KCNQ5: variants seen among roughly 807,000 people sequenced by gnomAD.
KCNQ5 encodes the protein potassium voltage-gated channel subfamily Q member 5, also known as potassium voltage-gated channel subfamily KQT member 5.
KCNQ5 carries 30 observed loss-of-function variants against 98.2 expected under a neutral mutation model. That is an observed-to-expected ratio of 0.31 (90% confidence interval 0.23 to 0.41). The LOEUF is 0.41. KCNQ5 is among the 10% of genes least tolerant of loss of function. KCNQ5 has a pLI of 1.00. For missense variants in KCNQ5, 835 were observed against 1,182.5 expected (o/e 0.71, Z 4.31); for synonymous variants, 458 against 449.4 (o/e 1.02, Z -0.24).
At chr6:72,739,698 G>T (rs768143720) in intron 1 of KCNQ5, among the ~76,000 whole-genome samples, 1 of 152,184 alleles carries the variant, frequency 6.6e-6, no homozygotes, top group Non-Finnish European at 1.5e-5. Flanking sequence ...CCTACAGACG[G>T]TCTGTTCAGT....
intron 1 of KCNQ5, among the ~76,000 whole-genome samples, chr6:72,837,078 A>G (rs114153502): frequency 1.4e-3 from 208 of 152,316 alleles, no homozygotes; most frequent in African/African-American, 4.7e-3. Context: ...TTCACCTTTT[A>G]TATAAACCTT....
chr6:72,913,386 A>G (rs1009805848), intron 1 of KCNQ5, among the ~76,000 whole-genome samples: 5 of 151,814 alleles, frequency 3.3e-5, no homozygotes, highest in African/African-American at 1.2e-4. Flanking sequence ...CAACGTAACT[A>G]CTCCCTAGAG....
chr6:73,002,844 A>T (rs1769646173), intron 1 of KCNQ5, among the ~76,000 whole-genome samples: 1 of 152,222 alleles, frequency 6.6e-6, no homozygotes, highest in Non-Finnish European at 1.5e-5. Flanking sequence ...AATTAGGCAA[A>T]CTCTGGCTAT....
At position 72,732,496 on chromosome 6, in the gene KCNQ5, AAG is replaced by A. The variant is rs564382985; in HGVS notation, c.398+109914_398+109915del. On this transcript the variant is annotated intron_variant, in intron 1 of 13. Coordinates refer to ENST00000370398, the MANE Select transcript of KCNQ5 (RefSeq NM_019842.4). ...AGAGTGTGTGAAGTCTAGCAAGTGA[AAG>A]AGAGTGCGGTTTATTCAAGGGCTTT... is the stretch of plus-strand genomic sequence containing the variant. Among the ~76,000 whole-genome samples, 228 of 152,302 alleles carry A rather than the reference AAG, an allele frequency of 1.5e-3. 3 individuals are homozygous for A. Among genetic ancestry groups the A allele is most frequent in the Middle Eastern group, 0.01 (3 of 294 alleles).
chr6:73,118,065 T>C (rs547113889), intron 7 of KCNQ5, among the ~76,000 whole-genome samples: 4 of 152,202 alleles, frequency 2.6e-5, no homozygotes, highest in African/African-American at 9.7e-5. Flanking sequence ...TGTCACTTTC[T>C]GAAATTTCAT....
In KCNQ5 at chr6:73,194,753, C is replaced by T; in HGVS notation, c.2138C>T (p.Ala713Val). Residue 713 changes from alanine (A) to valine (V), a missense_variant, in exon 14 of 14, where the codon GCA becomes GTA. Transcript: ENST00000370398. ...YALSPTMHSQ[A>V]TQVPISQSDG... ...CTTAGCCCTACTATGCACAGTCAAG[C>T]AACACAGGTGCCAATTAGTCAAAGC... The T allele has an allele frequency of 6.2e-7, 1 of 1,614,266 alleles. No individual in the cohort carries two copies. Among genetic ancestry groups the T allele is most frequent in the Non-Finnish European group, 8.5e-7 (1 of 1,180,042 alleles).
Position 72,803,600 on chromosome 6 carries a change from G to A in KCNQ5, c.398+181013G>A, listed in dbSNP as rs554533847. On this transcript the variant is annotated intron_variant, in intron 1 of 13. Coordinates refer to ENST00000370398, the MANE Select transcript of KCNQ5 (RefSeq NM_019842.4). Reference sequence around the variant, plus strand: ...CTTCTCAGAACTCTGGAGGTTTGGCGACATTGTATAAGTACTTTAATTGTT... The same window carrying A: ...CTTCTCAGAACTCTGGAGGTTTGGCAACATTGTATAAGTACTTTAATTGTT... 7.2e-5 allele frequency among the ~76,000 whole-genome samples: 11 copies of A among 152,042 alleles called. No individual in the cohort carries two copies. In the South Asian group the frequency reaches 1.0e-3, roughly 14 times the overall value.
chr6:73,029,737 T>C (rs1300076094), intron 2 of KCNQ5, among the ~76,000 whole-genome samples: 3 of 151,294 alleles, frequency 2.0e-5, no homozygotes, highest in Non-Finnish European at 4.4e-5. Context: ...ATCGAGACCA[T>C]CCTGCCTAAC....
At chr6:73,139,294 C>T (rs973765177) in intron 10 of KCNQ5, among the ~76,000 whole-genome samples, 1 of 152,202 alleles carries the variant, frequency 6.6e-6, no homozygotes, top group African/African-American at 2.4e-5. Context: ...CCATCATTGG[C>T]TGTCACCAGT....
At chr6:73,111,927 T>C (rs1400726039) in intron 7 of KCNQ5, among the ~76,000 whole-genome samples, 1 of 152,232 alleles carries the variant, frequency 6.6e-6, no homozygotes, top group Non-Finnish European at 1.5e-5. Context: ...CTGATGGGAC[T>C]ATGGAATACA....
chr6:73,017,159 C>T (rs1004792097), intron 2 of KCNQ5, among the ~76,000 whole-genome samples: 1 of 152,156 alleles, frequency 6.6e-6, no homozygotes, highest in African/African-American at 2.4e-5. Context: ...AATAAGGCAT[C>T]GCCCTGCCCT....
intron 5 of KCNQ5, among the ~76,000 whole-genome samples, chr6:73,103,874 G>T (rs1233281822): frequency 6.6e-6 from 1 of 152,120 alleles, no homozygotes; most frequent in Non-Finnish European, 1.5e-5. Flanking sequence ...TGGATTATTT[G>T]TAACACAAAG....
At chr6:72,760,545 G>C (rs1267154345) in intron 1 of KCNQ5, among the ~76,000 whole-genome samples, 1 of 151,802 alleles carries the variant, frequency 6.6e-6, no homozygotes. Flanking sequence ...CATAGATACA[G>C]TTCAGCTTTG....
intron 11 of KCNQ5, among the ~76,000 whole-genome samples, chr6:73,188,163 G>A (rs550902616): frequency 1.3e-5 from 2 of 152,318 alleles, no homozygotes; most frequent in South Asian, 2.1e-4. Context: ...GGGAAAACCA[G>A]GAGGTAATGT....
chr6:72,928,472 A>G (rs1765540134), intron 1 of KCNQ5, among the ~76,000 whole-genome samples: 1 of 152,064 alleles, frequency 6.6e-6, no homozygotes, highest in South Asian at 2.1e-4. Flanking sequence ...TTAGAGTTAA[A>G]TAATTTTCTA....
At chr6:72,635,770 C>T (rs939026991) in intron 1 of KCNQ5, among the ~76,000 whole-genome samples, 1 of 133,282 alleles carries the variant, frequency 7.5e-6, no homozygotes, top group Admixed American at 8.5e-5. Flanking sequence ...GCTTTCTTTT[C>T]CTCTGAAAGC....
chr6:73,066,821 C>A (rs766442381), intron 3 of KCNQ5, among the ~76,000 whole-genome samples: 1 of 152,124 alleles, frequency 6.6e-6, no homozygotes, highest in Non-Finnish European at 1.5e-5. Flanking sequence ...TTGAAAGTTC[C>A]TTCTGTATAC....
chr6:73,095,817 G>A (rs1453681900), intron 5 of KCNQ5, among the ~76,000 whole-genome samples: 3 of 152,158 alleles, frequency 2.0e-5, no homozygotes, highest in Non-Finnish European at 4.4e-5. Context: ...AGTATTTAGG[G>A]TGTCTCCTAG....
At chr6:73,023,688 A>G (rs545747119) in intron 2 of KCNQ5, among the ~76,000 whole-genome samples, 1 of 152,302 alleles carries the variant, frequency 6.6e-6, no homozygotes, top group Admixed American at 6.5e-5. Flanking sequence ...CAATGCTAGC[A>G]TTTAACTTGT....
Sources: gnomAD v4.1 joint callset for allele counts (sites outside exome capture counted in the v4.1 genomes callset) on GRCh38, gnomAD v4.1.1 for gene constraint, MANE v1.5 for transcripts, NCBI Gene and HGNC (gene_info 2026-07-23, HGNC 2026-07-21) for gene names.